IL1RAPL1: variants seen among roughly 807,000 people sequenced by gnomAD.
The protein encoded by IL1RAPL1 is interleukin-1 receptor accessory protein-like 1.
A neutral mutation model predicts 48.4 loss-of-function variants in IL1RAPL1; 3 were observed. The observed-to-expected ratio is 0.06, with a 90% CI of 0.03 to 0.16. IL1RAPL1 has a LOEUF of 0.16. Among genes scored for constraint, IL1RAPL1 ranks in the 10% least tolerant of loss-of-function variants. IL1RAPL1 has a pLI of 1.00. For missense variants in IL1RAPL1, 349 were observed against 530.6 expected (o/e 0.66, Z 3.36); for synonymous variants, 185 against 187.7 (o/e 0.99, Z 0.12).
intron 6 of IL1RAPL1, among the ~76,000 whole-genome samples, chrX:29,772,519 C>G (rs1218355580): frequency 9.0e-6 from 1 of 111,662 alleles, no homozygotes; most frequent in Non-Finnish European, 1.9e-5. Flanking sequence ...TTCTTCCCAT[C>G]TTTTTATTTG....
intron 5 of IL1RAPL1, among the ~76,000 whole-genome samples, chrX:29,499,689 C>G (rs1442403204): frequency 9.0e-6 from 1 of 111,493 alleles, no homozygotes; most frequent in African/African-American, 3.3e-5. Context: ...TGAACCCAGC[C>G]CTCTTTCTGT....
intron 5 of IL1RAPL1, among the ~76,000 whole-genome samples, chrX:29,632,046 A>G: frequency 8.9e-6 from 1 of 111,735 alleles, no homozygotes; most frequent in Non-Finnish European, 1.9e-5. Context: ...GACTAATTAT[A>G]TAGTTATATG....
intron 2 of IL1RAPL1, among the ~76,000 whole-genome samples, chrX:28,998,876 G>A (rs1925782041): frequency 9.0e-6 from 1 of 111,652 alleles, no homozygotes; most frequent in African/African-American, 3.3e-5. Flanking sequence ...TATAAACTAG[G>A]GCCTGAACTT....
chrX:29,539,162 A>G (rs1260876905), intron 5 of IL1RAPL1, among the ~76,000 whole-genome samples: 1 of 111,721 alleles, frequency 9.0e-6, no homozygotes, highest in African/African-American at 3.3e-5. Context: ...GAAATCCTCA[A>G]CAGAATACTA....
chrX:28,603,944 A>C (rs893367283), intron 1 of IL1RAPL1, among the ~76,000 whole-genome samples: 1 of 112,457 alleles, frequency 8.9e-6, no homozygotes, highest in Admixed American at 9.4e-5. Flanking sequence ...CCAGAATGCC[A>C]AGCTGATAGC....
At chrX:29,114,579 A>AT (rs1202309432) in intron 2 of IL1RAPL1, among the ~76,000 whole-genome samples, 20 of 107,096 alleles carry the variant, frequency 1.9e-4, no homozygotes, top group South Asian at 7.9e-4. Flanking sequence ...CTGCCCATTT[A>AT]TTTTTTTTTC....
chrX:28,653,460 G>A (rs1444452257), intron 1 of IL1RAPL1, among the ~76,000 whole-genome samples: 1 of 107,347 alleles, frequency 9.3e-6, no homozygotes, highest in Non-Finnish European at 1.9e-5. Context: ...GGGCGACAGA[G>A]AGAGACTGGG....
intron 5 of IL1RAPL1, among the ~76,000 whole-genome samples, chrX:29,449,778 C>CAGAGAGAGAG (rs767669396): frequency 4.5e-4 from 26 of 57,613 alleles, no homozygotes; most frequent in African/African-American, 2.1e-3. Flanking sequence ...CACACACACA[C>CAGAGAGAGAG]ACAGAGAGAG....
chrX:29,223,326 T>G (rs966440240), intron 2 of IL1RAPL1, among the ~76,000 whole-genome samples: 5 of 111,456 alleles, frequency 4.5e-5, no homozygotes, highest in African/African-American at 1.6e-4. Flanking sequence ...AGTATTTGCT[T>G]CATTTGGAAA....
chrX:29,275,099 C>T (rs1044568498), intron 2 of IL1RAPL1, among the ~76,000 whole-genome samples: 6 of 111,425 alleles, frequency 5.4e-5, no homozygotes, highest in Admixed American at 4.8e-4. Context: ...AATAACACTT[C>T]GTTTGCAGAC....
intron 2 of IL1RAPL1, among the ~76,000 whole-genome samples, chrX:29,270,191 C>A (rs187130121): frequency 9.0e-6 from 1 of 111,584 alleles, no homozygotes. Flanking sequence ...TGGAGCTACT[C>A]TGAATAAGGC....
At chrX:29,298,868 G>A (rs1932489878) in intron 3 of IL1RAPL1, among the ~76,000 whole-genome samples, 1 of 111,283 alleles carries the variant, frequency 9.0e-6, no homozygotes, top group Admixed American at 9.6e-5. Context: ...CACTTTACTT[G>A]TGATGGTTAA....
At chrX:29,688,924 A>G (rs1262022230) in intron 6 of IL1RAPL1, among the ~76,000 whole-genome samples, 1 of 111,065 alleles carries the variant, frequency 9.0e-6, no homozygotes, top group Non-Finnish European at 1.9e-5. Context: ...GTGGAGCACA[A>G]TAAGTAAAGC....
At chrX:29,613,795 G>A (rs1189700972) in intron 5 of IL1RAPL1, among the ~76,000 whole-genome samples, 1 of 85,054 alleles carries the variant, frequency 1.2e-5, no homozygotes, top group Non-Finnish European at 2.2e-5. Context: ...ACAGAGTCTC[G>A]CTCTGTTGCC....
intron 6 of IL1RAPL1, among the ~76,000 whole-genome samples, chrX:29,882,844 C>T (rs148203883): frequency 0.015 from 1,712 of 111,859 alleles, 29 homozygotes; most frequent in African/African-American, 0.052. Context: ...ACAGGCCATA[C>T]TGTATTTCTC....
At chrX:29,377,035 C>T (rs990740791) in intron 3 of IL1RAPL1, among the ~76,000 whole-genome samples, 13 of 112,037 alleles carry the variant, frequency 1.2e-4, no homozygotes, top group Non-Finnish European at 2.4e-4. Context: ...AATCTGGGTG[C>T]TCCAATGTTG....
intron 2 of IL1RAPL1, among the ~76,000 whole-genome samples, chrX:28,978,606 G>A (rs984171477): frequency 2.7e-5 from 3 of 111,760 alleles, no homozygotes; most frequent in Admixed American, 9.5e-5. Context: ...TTGAGATTGA[G>A]TAAGATTACT....
intron 6 of IL1RAPL1, among the ~76,000 whole-genome samples, chrX:29,889,499 A>G (rs1932231941): frequency 8.9e-6 from 1 of 111,887 alleles, no homozygotes; most frequent in African/African-American, 3.2e-5. Flanking sequence ...GAAGTGTCCA[A>G]TAATATGGAT....
intron 5 of IL1RAPL1, among the ~76,000 whole-genome samples, chrX:29,528,124 C>A (rs754943996): frequency 3.2e-4 from 36 of 112,295 alleles, no homozygotes; most frequent in African/African-American, 1.2e-3. Context: ...TATGCAATCC[C>A]ACTTTGACCT....
Sources: gnomAD v4.1 joint callset for allele counts (sites outside exome capture counted in the v4.1 genomes callset) on GRCh38, gnomAD v4.1.1 for gene constraint, MANE v1.5 for transcripts, NCBI Gene and HGNC (gene_info 2026-07-23, HGNC 2026-07-21) for gene names.